Variants in CDH13 observed in about 807,000 individuals in gnomAD.
CDH13 encodes cadherin-13.
CDH13 carries 24 observed loss-of-function variants against 63.8 expected under a neutral mutation model. That is an observed-to-expected ratio of 0.38 (90% CI 0.27 to 0.53). CDH13 has a LOEUF of 0.53. Among genes scored for constraint, CDH13 ranks in the 20% least tolerant of loss-of-function variants. The probability of loss-of-function intolerance (pLI) is 0.85; values close to 1 mark genes in which losing one functional copy is unlikely to be tolerated. For synonymous variants in CDH13, 503 were observed against 355.3 expected, an observed-to-expected ratio of 1.42 and a Z score of -4.67; for missense variants, 1,049 against 903.1, an observed-to-expected ratio of 1.16 and a Z score of -2.07.
chr16:82,955,993 G>T (rs960739512), intron 2 of CDH13, among the ~76,000 whole-genome samples: 73 of 152,132 alleles, frequency 4.8e-4, no homozygotes, highest in Non-Finnish European at 4.0e-4. Flanking sequence ...TTAACTCTGT[G>T]TACTAGACAC....
chr16:83,565,343 C>T lies in CDH13; in HGVS notation c.961-37111C>T, dbSNP rs185862701. ...CTCTCCCCAGCCCTGACAACCCTGA[C>T]CTCACATGCCCTTGGGATTTCCGTT... is the stretch of plus-strand genomic sequence containing the variant. On this transcript the variant is annotated intron_variant, in intron 7 of 13. Coordinates refer to ENST00000567109, the MANE Select transcript of CDH13 (RefSeq NM_001257.5). Among the ~76,000 whole-genome samples the T allele has an allele frequency of 8.2e-4, 124 of 151,832 alleles. 1 individual carries two copies. Among genetic ancestry groups the T allele is most frequent in the Non-Finnish European group, 7.4e-5 (5 of 67,992 alleles).
intron 1 of CDH13, among the ~76,000 whole-genome samples, chr16:82,820,749 G>C (rs2037965600): frequency 6.6e-6 from 1 of 152,162 alleles, no homozygotes; most frequent in Admixed American, 6.5e-5. Context: ...ATTTTGGTCT[G>C]AAAAGACATT....
At chr16:82,905,507 A>G in intron 2 of CDH13, among the ~76,000 whole-genome samples, 1 of 152,078 alleles carries the variant, frequency 6.6e-6, no homozygotes, top group East Asian at 1.9e-4. Context: ...AAAGCCTAAG[A>G]AAAATGAGAA....
chr16:83,079,409 C>T (rs9940141), intron 3 of CDH13, among the ~76,000 whole-genome samples: 1 of 152,214 alleles, frequency 6.6e-6, no homozygotes, highest in Non-Finnish European at 1.5e-5. Flanking sequence ...GGATGTGGAA[C>T]TGAAGCAAGG....
chr16:82,632,705 ATTGGGGGGATGGTT>A (rs72153593), intron 1 of CDH13, among the ~76,000 whole-genome samples: 50,654 of 152,020 alleles, frequency 0.33, 10,280 homozygotes, highest in Non-Finnish European at 0.46. Context: ...ACGGACTAGA[ATTGGGGGGATGGTT>A]TTGGGATGAT....
At chr16:83,313,605 C>T (rs1225627947) in intron 5 of CDH13, among the ~76,000 whole-genome samples, 1 of 132,232 alleles carries the variant, frequency 7.6e-6, no homozygotes, top group Non-Finnish European at 1.6e-5. Context: ...TTGACATGGG[C>T]AGTGCCAATA....
At chr16:82,757,189 C>T (rs1031559939) in intron 1 of CDH13, among the ~76,000 whole-genome samples, 1 of 152,178 alleles carries the variant, frequency 6.6e-6, no homozygotes, top group Non-Finnish European at 1.5e-5. Flanking sequence ...GCTGCAGACT[C>T]CTCTAAGGCA....
intron 4 of CDH13, among the ~76,000 whole-genome samples, chr16:83,158,892 C>G (rs932004917): frequency 1.3e-5 from 2 of 152,210 alleles, no homozygotes; most frequent in African/African-American, 4.8e-5. Context: ...TTCGCAGCAG[C>G]CTTCTTTCTT....
At position 83,286,650 on chromosome 16, in the gene CDH13, G is replaced by A. The variant is rs940347662; in HGVS notation, c.637-58212G>A. ...ATGCGCTGGTAGTCCCAGCTACTTGGGGGGCTGAGGCAGGAGAATTACCTG... is the reference window on the plus strand; with the variant it reads ...ATGCGCTGGTAGTCCCAGCTACTTGAGGGGCTGAGGCAGGAGAATTACCTG... On this transcript the variant is annotated intron_variant, in intron 5 of 13. Transcript: ENST00000567109. Among the ~76,000 whole-genome samples the A allele has an allele frequency of 2.0e-5, 3 of 151,720 alleles. No individual in the cohort carries two copies. In the South Asian group the frequency reaches 6.3e-4, roughly 32 times the overall value.
intron 7 of CDH13, among the ~76,000 whole-genome samples, chr16:83,568,737 G>A (rs540369028): frequency 6.6e-6 from 1 of 152,302 alleles, no homozygotes; most frequent in Admixed American, 6.5e-5. Flanking sequence ...TTTTCCAGCA[G>A]TTGTAAAGGA....
intron 2 of CDH13, among the ~76,000 whole-genome samples, chr16:82,961,589 A>AAAAAAAC (rs1567697633): frequency 7.3e-5 from 11 of 151,304 alleles, no homozygotes; most frequent in African/African-American, 2.7e-4. Flanking sequence ...AAAAAAAAAA[A>AAAAAAAC]AAAAAAACTA....
At chr16:83,769,015 G>T (rs1384481175) in intron 11 of CDH13, among the ~76,000 whole-genome samples, 1 of 152,182 alleles carries the variant, frequency 6.6e-6, no homozygotes, top group Non-Finnish European at 1.5e-5. Flanking sequence ...CAAACACCTT[G>T]ACCACAGGGT....
At chr16:83,550,152 C>T (rs2075464066) in intron 7 of CDH13, among the ~76,000 whole-genome samples, 1 of 152,224 alleles carries the variant, frequency 6.6e-6, no homozygotes, top group African/African-American at 2.4e-5. Context: ...GAAATGTATT[C>T]TCCAACGTGG....
At chr16:83,303,188 C>T (rs1305400613) in intron 5 of CDH13, among the ~76,000 whole-genome samples, 1 of 152,220 alleles carries the variant, frequency 6.6e-6, no homozygotes, top group Non-Finnish European at 1.5e-5. Context: ...GGGAAAGCTT[C>T]CCCTTCACCT....
At chr16:82,770,120 G>C (rs1379122319) in intron 1 of CDH13, among the ~76,000 whole-genome samples, 1 of 152,218 alleles carries the variant, frequency 6.6e-6, no homozygotes, top group Non-Finnish European at 1.5e-5. Context: ...AGATTATTTA[G>C]TTAGCTCAGG....
intron 7 of CDH13, among the ~76,000 whole-genome samples, chr16:83,578,299 C>T (rs1237720390): frequency 6.6e-6 from 1 of 152,182 alleles, no homozygotes; most frequent in Non-Finnish European, 1.5e-5. Context: ...GGCTACTTTT[C>T]TGGATGGGAA....
chr16:83,100,852 G>A (rs4395062), intron 3 of CDH13, among the ~76,000 whole-genome samples: 28,425 of 152,140 alleles, frequency 0.19, 3,975 homozygotes, highest in African/African-American at 0.4. Flanking sequence ...ACTTCCTGCA[G>A]GGACTTTTGT....
intron 1 of CDH13, among the ~76,000 whole-genome samples, chr16:82,839,744 T>C (rs1031252416): frequency 6.6e-6 from 1 of 152,214 alleles, no homozygotes; most frequent in Non-Finnish European, 1.5e-5. Flanking sequence ...CCAAGGAGAC[T>C]CTAGTGTAGT....
chr16:83,019,325 C>G (rs1218311785), intron 2 of CDH13, among the ~76,000 whole-genome samples: 2 of 151,954 alleles, frequency 1.3e-5, no homozygotes, highest in Non-Finnish European at 2.9e-5. Flanking sequence ...TTGCCTAGGC[C>G]TACACAAGGT....
Sources: gnomAD v4.1 joint callset for allele counts (sites outside exome capture counted in the v4.1 genomes callset) on GRCh38, gnomAD v4.1.1 for gene constraint, MANE v1.5 for transcripts, NCBI Gene and HGNC (gene_info 2026-07-23, HGNC 2026-07-21) for gene names.